IL23R: variants seen among roughly 807,000 people sequenced by gnomAD.
IL23R encodes the protein interleukin 23 receptor, also known as interleukin-23 receptor.
Under a neutral mutation model 56.9 loss-of-function variants are expected in IL23R, and 34 were observed. That is an observed-to-expected ratio of 0.60 (90% CI 0.45 to 0.80). The LOEUF (loss-of-function observed/expected upper bound fraction) is 0.80, where lower values mean the gene tolerates loss of function less well. Ranked by LOEUF, IL23R falls within the 30% of genes least tolerant of loss-of-function variation. The pLI, the probability that IL23R is intolerant of heterozygous loss-of-function variation, is 0.00. For missense variants in IL23R, 635 were observed against 730.0 expected (o/e 0.87, Z 1.50); for synonymous variants, 230 against 249.2 (o/e 0.92, Z 0.73).
At position 67,181,095 on chromosome 1, in the gene IL23R, G is replaced by T. The variant is rs1014381532; in HGVS notation, c.368-1741G>T. Among the ~76,000 whole-genome samples the T allele has an allele frequency of 2.6e-5, 4 of 152,134 alleles. No individual in the cohort carries two copies. In the East Asian group the frequency reaches 5.8e-4, roughly 22 times the overall value. On this transcript the variant is annotated intron_variant, in intron 3 of 10. Transcript: ENST00000347310. ...ACTTTGGTGAATCTGACAATCATGT[G>T]TCTTGGAGTTGGTCTTCTCGAGGAG...
chr1:67,197,318 C>G (rs1006924494), intron 4 of IL23R, among the ~76,000 whole-genome samples: 2 of 151,990 alleles, frequency 1.3e-5, no homozygotes, highest in African/African-American at 4.8e-5. Flanking sequence ...AGAGCAGTTT[C>G]AAGGAAAAGT....
chr1:67,204,641 G>A (rs1328859714), intron 5 of IL23R, among the ~76,000 whole-genome samples: 15 of 152,108 alleles, frequency 9.9e-5, no homozygotes, highest in African/African-American at 2.4e-4. Context: ...TGGCCAAGCC[G>A]AACTCAGAGG....
At chr1:67,210,644 T>A (rs1357568292) in intron 6 of IL23R, among the ~76,000 whole-genome samples, 2 of 152,052 alleles carry the variant, frequency 1.3e-5, no homozygotes, top group African/African-American at 4.8e-5. Context: ...TTTTTATTTT[T>A]ATTTTTTTGT....
At chr1:67,180,919 CT>C (rs1647130951) in intron 3 of IL23R, among the ~76,000 whole-genome samples, 1 of 152,146 alleles carries the variant, frequency 6.6e-6, no homozygotes, top group African/African-American at 2.4e-5. Flanking sequence ...GTTGAAAATT[CT>C]TTTCTTTAAG....
At chr1:67,232,877 G>A (rs544623359) in intron 7 of IL23R, among the ~76,000 whole-genome samples, 2 of 152,122 alleles carry the variant, frequency 1.3e-5, no homozygotes, top group South Asian at 2.1e-4. Context: ...TCTTGTGATA[G>A]TAAGTTCTCA....
intron 9 of IL23R, among the ~76,000 whole-genome samples, chr1:67,254,556 A>T (rs527673372): frequency 6.6e-6 from 1 of 152,274 alleles, no homozygotes; most frequent in African/African-American, 2.4e-5. Context: ...AAAAAAATGG[A>T]ATCATAAAAC....
intron 7 of IL23R, among the ~76,000 whole-genome samples, chr1:67,227,682 T>C (rs1650709628): frequency 2.0e-5 from 3 of 152,214 alleles, no homozygotes; most frequent in Non-Finnish European, 4.4e-5. Context: ...TTTTCAAACA[T>C]TTTATTATGT....
chr1:67,243,744 A>G (rs1652011135), intron 9 of IL23R, among the ~76,000 whole-genome samples: 2 of 152,166 alleles, frequency 1.3e-5, no homozygotes, highest in Admixed American at 6.5e-5. Flanking sequence ...AATCTTTGCT[A>G]TTGTGAACAG....
At chr1:67,209,413 G>A (rs1226527567) in intron 6 of IL23R, among the ~76,000 whole-genome samples, 3 of 152,166 alleles carry the variant, frequency 2.0e-5, no homozygotes, top group East Asian at 1.9e-4. Context: ...CACATGTTGT[G>A]GGAGGGAGCC....
chr1:67,176,840 G>C (rs535734491), intron 3 of IL23R, among the ~76,000 whole-genome samples: 342 of 152,208 alleles, frequency 2.2e-3, no homozygotes, highest in African/African-American at 7.8e-3. Flanking sequence ...CTGTGTCCAT[G>C]TGTTCTCATT....
chr1:67,254,829 T>A (rs993824172), intron 9 of IL23R, among the ~76,000 whole-genome samples: 1 of 152,218 alleles, frequency 6.6e-6, no homozygotes, highest in Admixed American at 6.5e-5. Flanking sequence ...AGAGTGTTTT[T>A]AAACACAATG....
chr1:67,155,458 G>C (rs896560777), intron 1 of IL23R, among the ~76,000 whole-genome samples: 1 of 152,100 alleles, frequency 6.6e-6, no homozygotes, highest in African/African-American at 2.4e-5. Flanking sequence ...TTCTTACATA[G>C]TCCCATATTT....
At chr1:67,164,931 G>A (rs1646857785), upstream of IL23R, among the ~76,000 whole-genome samples, 1 of 152,072 alleles carries the variant, frequency 6.6e-6, no homozygotes, top group Non-Finnish European at 1.5e-5. Flanking sequence ...CAATGAGCTG[G>A]GCGTGGTGGC....
At chr1:67,249,448 C>T (rs61781413) in intron 9 of IL23R, among the ~76,000 whole-genome samples, 1,605 of 151,988 alleles carry the variant, frequency 0.011, 14 homozygotes, top group Non-Finnish European at 0.015. Context: ...TGACTTTAAA[C>T]AGTGATATTT....
At chr1:67,246,100 A>T (rs1652203030) in intron 9 of IL23R, among the ~76,000 whole-genome samples, 1 of 152,130 alleles carries the variant, frequency 6.6e-6, no homozygotes, top group African/African-American at 2.4e-5. Context: ...ATTTGCACAG[A>T]GGTATTTATA....
intron 4 of IL23R, among the ~76,000 whole-genome samples, chr1:67,191,268 A>C (rs78589735): frequency 1.6e-3 from 241 of 152,210 alleles, no homozygotes; most frequent in Middle Eastern, 0.01. Flanking sequence ...CCTGCTTCCT[A>C]CTTTCCTGAG....
At chr1:67,233,112 G>A (rs1368522331) in intron 7 of IL23R, among the ~76,000 whole-genome samples, 5 of 149,428 alleles carry the variant, frequency 3.3e-5, no homozygotes, top group Admixed American at 2.7e-4. Flanking sequence ...ATTTTGGGAG[G>A]CTGAAGCAGG....
chr1:67,157,685 A>G (rs1444519165), intron 1 of IL23R, among the ~76,000 whole-genome samples: 1 of 152,100 alleles, frequency 6.6e-6, no homozygotes, highest in Non-Finnish European at 1.5e-5. Flanking sequence ...CTTCTATTAG[A>G]TCTTTGCTCA....
intron 1 of IL23R, among the ~76,000 whole-genome samples, chr1:67,160,433 G>A (rs1018810602): frequency 2.0e-5 from 3 of 152,174 alleles, no homozygotes; most frequent in African/African-American, 4.8e-5. Flanking sequence ...CTATGCAGAT[G>A]GGTCCTCACT....
Sources: allele counts gnomAD v4.1 joint callset (sites outside exome capture counted in the v4.1 genomes callset), GRCh38; gene constraint gnomAD v4.1.1; transcripts MANE v1.5; gene names NCBI Gene and HGNC (gene_info 2026-07-23, HGNC 2026-07-21).